DNAAF10: variants seen among roughly 807,000 people sequenced by gnomAD.
DNAAF10 encodes the protein WD repeat domain 92.
Under a neutral mutation model 43.7 loss-of-function variants are expected in DNAAF10, and 28 were observed. That is an observed-to-expected ratio of 0.64 (90% CI 0.48 to 0.88). The LOEUF is 0.88. Ranked by LOEUF, DNAAF10 falls within the 40% of genes least tolerant of loss-of-function variation. The pLI, the probability that DNAAF10 is intolerant of heterozygous loss-of-function variation, is 0.00. For synonymous variants in DNAAF10, 156 were observed against 157.3 expected, an observed-to-expected ratio of 0.99 and a Z score of 0.06; for missense variants, 403 against 439.1, an observed-to-expected ratio of 0.92 and a Z score of 0.73.
At chr2:68,134,919 T>A in intron 6 of DNAAF10, 120 bp from the exon 7 acceptor site, 1 of 1,116,102 alleles carries the variant, frequency 9.0e-7, no homozygotes, top group South Asian at 1.5e-5. Context: ...TAATTAAGGT[T>A]ATTTTCTGGC....
chr2:68,138,656 T>G (rs1212884674), intron 5 of DNAAF10, 86 bp downstream of exon 5: 5 of 956,388 alleles, frequency 5.2e-6, no homozygotes. Flanking sequence ...TCAGATGAGT[T>G]ACTAGAGGTG....
intron 7 of DNAAF10, among the ~76,000 whole-genome samples, chr2:68,132,186 T>C (rs60907921): frequency 0.012 from 1,799 of 152,250 alleles, 45 homozygotes; most frequent in African/African-American, 0.041. Flanking sequence ...CCTAATAAAA[T>C]ACAAAAGTAT....
intron 2 of DNAAF10, among the ~76,000 whole-genome samples, chr2:68,147,125 T>C (rs1334692404): frequency 6.6e-6 from 1 of 152,176 alleles, no homozygotes; most frequent in Non-Finnish European, 1.5e-5. Flanking sequence ...TTTTCAGTGT[T>C]ATTCATATGC....
chr2:68,149,246 G>A (rs1376804216), intron 1 of DNAAF10, among the ~76,000 whole-genome samples: 4 of 152,132 alleles, frequency 2.6e-5, no homozygotes, highest in Admixed American at 6.5e-5. Flanking sequence ...CCATTATATG[G>A]TATAGGGCTT....
At chr2:68,134,603 T>C (rs1672992805) in intron 7 of DNAAF10, 99 bp downstream of exon 7, 1 of 1,555,372 alleles carries the variant, frequency 6.4e-7, no homozygotes, top group East Asian at 2.3e-5. Flanking sequence ...CAAAATGAAC[T>C]AAGTCAAAGC....
At position 68,138,846 on chromosome 2, in the gene DNAAF10, T is replaced by C. The variant is rs1373537894; in HGVS notation, c.529A>G (p.Asn177Asp). The part of the protein sequence containing the change: ...CWTVAFGNAY[N>D]QEERVVCAGY... ...GCACAAACAACACGTTCTTCTTGAT[T>C]ATAAGCATTGCCTGGAAATCAAGAT... Residue 177 changes from asparagine to aspartate, a missense_variant, in exon 5 of 8, where the codon AAT (asparagine) becomes GAT (aspartate). Asn to Asp is a conservative substitution (Grantham distance 23, BLOSUM62 1). Coordinates refer to ENST00000295121, the MANE Select transcript of DNAAF10 (RefSeq NM_138458.4). The C allele has an allele frequency of 6.2e-7, 1 of 1,612,486 alleles. No individual in the cohort carries two copies. Among genetic ancestry groups the C allele is most frequent in the Admixed American group, 1.7e-5 (1 of 59,998 alleles).
rs376582260 is a variant in DNAAF10, at chr2:68,147,447, T to C, written c.284+20A>G. ...AAATTGCCTATCTCATCTGTCTGAA[T>C]ACTGACTAAATCATCTTACCATATA... is the stretch of plus-strand genomic sequence containing the variant. On this transcript the variant is annotated intron_variant, in intron 2 of 7. Transcript: ENST00000295121. 1.8e-4 allele frequency: 286 copies of C among 1,578,468 alleles called. No individual in the cohort carries two copies. The highest frequency in any genetic ancestry group is 2.3e-4 in the Non-Finnish European group (262 of 1,149,888).
intron 7 of DNAAF10, among the ~76,000 whole-genome samples, chr2:68,132,799 G>C (rs1181987184): frequency 7.2e-5 from 11 of 152,212 alleles, no homozygotes; most frequent in Non-Finnish European, 2.9e-5. Context: ...AGATTAGACT[G>C]GACATCTGTT....
chr2:68,140,972 C>T (rs1046822336), intron 4 of DNAAF10, among the ~76,000 whole-genome samples: 12 of 152,064 alleles, frequency 7.9e-5, no homozygotes, highest in African/African-American at 2.7e-4. Context: ...TTAAAGTATA[C>T]GGGAGGATGT....
intron 5 of DNAAF10, among the ~76,000 whole-genome samples, chr2:68,138,183 C>T (rs1411518401): frequency 1.4e-5 from 2 of 144,590 alleles, no homozygotes; most frequent in Non-Finnish European, 2.9e-5. Flanking sequence ...TCAAAACAAA[C>T]AAACAAACAA....
chr2:68,139,637 A>G (rs558073641), intron 4 of DNAAF10, among the ~76,000 whole-genome samples: 65 of 150,560 alleles, frequency 4.3e-4, no homozygotes, highest in African/African-American at 1.6e-3. Context: ...AAAAAAAAAA[A>G]GAAAAAAATA....
Position 68,131,211 on chromosome 2 carries a change from C to T in DNAAF10, c.*27G>A, listed in dbSNP as rs1672923871. The T allele has an allele frequency of 1.2e-6, 2 of 1,612,650 alleles. No homozygotes were observed. Among genetic ancestry groups the T allele is most frequent in the Non-Finnish European group, 1.7e-6 (2 of 1,179,024 alleles). On this transcript the variant is annotated 3_prime_UTR_variant, in exon 8 of 8. Transcript: ENST00000295121. Reference sequence around the variant, plus strand: ...GGGATTACAGGAGTGAGCCACCGTGCCCAGCCTCAAGTCCAAAGTCTTGAA... The same window carrying T: ...GGGATTACAGGAGTGAGCCACCGTGTCCAGCCTCAAGTCCAAAGTCTTGAA...
rs1672888293 is a variant in DNAAF10, at chr2:68,129,814, A to C, written c.*1424T>G. 6.6e-6 allele frequency: 1 copy of C among 152,128 alleles called. No individual in the cohort carries two copies. Among genetic ancestry groups the C allele is most frequent in the African/African-American group, 2.4e-5 (1 of 41,448 alleles). The allele number at this position is 152,128 out of a possible 1,614,324, so 9.4% of individuals were successfully genotyped here. ...CATTTATAAAGCAAAATGATGTGAC[A>C]ATGTTAACTTTATTACTACTGTTAA... On this transcript the variant is annotated 3_prime_UTR_variant, in exon 8 of 8. Coordinates refer to ENST00000295121, the MANE Select transcript of DNAAF10 (RefSeq NM_138458.4).
intron 1 of DNAAF10, among the ~76,000 whole-genome samples, chr2:68,151,219 A>C (rs1221061597): frequency 6.6e-6 from 1 of 152,170 alleles, no homozygotes; most frequent in African/African-American, 2.4e-5. Flanking sequence ...GTGTGACTTC[A>C]TTTCCTGTTT....
chr2:68,130,914 C>CT lies in DNAAF10; in HGVS notation c.*323dup, dbSNP rs879114176. ...CTCTGGAAGGTTTCAAGTCCAAAGT[C>CT]TTTTTTTTTTTTTTTTTTTTTGAGA... On this transcript the variant is annotated 3_prime_UTR_variant, in exon 8 of 8. Coordinates refer to ENST00000295121, the MANE Select transcript of DNAAF10 (RefSeq NM_138458.4). 34,479 of 122,604 alleles carry CT rather than the reference C, an allele frequency of 0.28. 6,788 individuals carry two copies. The highest frequency in any genetic ancestry group is 0.36 in the East Asian group (1,705 of 4,800). 7.6% of individuals were successfully genotyped at this position (122,604 alleles called of 1,614,324 possible). A position where few individuals can be genotyped will look rare whatever the true frequency, so the allele number is the denominator to read the frequency against.
intron 1 of DNAAF10, among the ~76,000 whole-genome samples, chr2:68,150,846 ATCTC>A (rs906679495): frequency 6.6e-6 from 1 of 152,236 alleles, no homozygotes. Context: ...CTATTTATCT[ATCTC>A]TATATATAGT....
At position 68,138,808 on chromosome 2, in the gene DNAAF10, A is replaced by G; in HGVS notation, c.567T>C (p.Asn189=). The G allele has an allele frequency of 6.2e-7, 1 of 1,614,176 alleles. No homozygotes were observed. Among genetic ancestry groups the G allele is most frequent in the South Asian group, 1.1e-5 (1 of 91,086 alleles). Residue 189 remains asparagine (N), a synonymous_variant, in exon 5 of 8, where the codon AAT becomes AAC. Transcript: ENST00000295121. ...TGAGATCAAATAGTTTGATATCCCC[A>G]TTGTCATAGCCAGCACAAACAACAC... The part of the protein sequence containing the change: ...EERVVCAGYD[N]GDIKLFDLRN...
intron 1 of DNAAF10, among the ~76,000 whole-genome samples, chr2:68,151,582 G>A (rs550775107): frequency 3.9e-5 from 6 of 152,062 alleles, no homozygotes; most frequent in Non-Finnish European, 7.4e-5. Flanking sequence ...TTTTTTTAAC[G>A]CATAGCAGGC....
intron 4 of DNAAF10, among the ~76,000 whole-genome samples, chr2:68,139,904 T>A (rs1673136475): frequency 6.6e-6 from 1 of 152,100 alleles, no homozygotes; most frequent in Non-Finnish European, 1.5e-5. Flanking sequence ...ATAAATACAG[T>A]TATACCTCTA....
Sources: gnomAD v4.1 joint callset for allele counts (sites outside exome capture counted in the v4.1 genomes callset) on GRCh38, gnomAD v4.1.1 for gene constraint, MANE v1.5 for transcripts, NCBI Gene and HGNC (gene_info 2026-07-23, HGNC 2026-07-21) for gene names.